The following STIM1 variants were observed in gnomAD, a reference collection of about 807,000 sequenced individuals.
STIM1 encodes stromal interaction molecule 1.
STIM1 carries 25 observed loss-of-function variants against 74.7 expected under a neutral mutation model. That is an observed-to-expected ratio of 0.33 (90% confidence interval 0.24 to 0.47). STIM1 has a LOEUF of 0.47. STIM1 is among the 20% of genes least tolerant of loss of function. The pLI, the probability that STIM1 is intolerant of heterozygous loss-of-function variation, is 1.00. For missense variants in STIM1, 728 were observed against 920.8 expected (o/e 0.79, Z 2.71); for synonymous variants, 328 against 348.8 (o/e 0.94, Z 0.66).
At chr11:4,048,065 C>T (rs558555409) in intron 3 of STIM1, among the ~76,000 whole-genome samples, 1 of 152,092 alleles carries the variant, frequency 6.6e-6, no homozygotes, top group Non-Finnish European at 1.5e-5. Context: ...ATGATCTGCC[C>T]ACCTCAGCCT....
intron 1 of STIM1, among the ~76,000 whole-genome samples, chr11:3,870,869 CT>C (rs1178631644): frequency 0.16 from 16,015 of 98,112 alleles, 909 homozygotes; most frequent in South Asian, 0.25. Context: ...ATCAGCTACT[CT>C]TTTTTTTTTT....
At chr11:4,089,796 A>G (rs2094513039) in intron 12 of STIM1, among the ~76,000 whole-genome samples, 1 of 152,114 alleles carries the variant, frequency 6.6e-6, no homozygotes, top group African/African-American at 2.4e-5. Flanking sequence ...TCTAGGTCCT[A>G]TGGTGGTCTC....
intron 1 of STIM1, among the ~76,000 whole-genome samples, chr11:3,909,353 G>A (rs1332536668): frequency 2.0e-5 from 3 of 152,170 alleles, no homozygotes; most frequent in African/African-American, 4.8e-5. Flanking sequence ...AGCTGATTGG[G>A]GGTATGGGTA....
chr11:3,866,308 A>G (rs988413823), intron 1 of STIM1, among the ~76,000 whole-genome samples: 2 of 152,090 alleles, frequency 1.3e-5, no homozygotes, highest in Non-Finnish European at 2.9e-5. Flanking sequence ...GTCTTTCCTG[A>G]CACTAATTCT....
intron 1 of STIM1, among the ~76,000 whole-genome samples, chr11:3,931,921 T>G (rs2092866106): frequency 6.6e-6 from 1 of 152,104 alleles, no homozygotes; most frequent in African/African-American, 2.4e-5. Flanking sequence ...GCCCTGGGTT[T>G]TGAGTTGAAT....
chr11:3,887,106 A>G (rs1300168671), intron 1 of STIM1, among the ~76,000 whole-genome samples: 1 of 152,102 alleles, frequency 6.6e-6, no homozygotes, highest in African/African-American at 2.4e-5. Flanking sequence ...AGGGACTAGT[A>G]TTGTACACAG....
At position 4,080,343 on chromosome 11, in the gene STIM1, C is replaced by T. The variant is rs570214221; in HGVS notation, c.970-1841C>T. 1.6e-4 allele frequency among the ~76,000 whole-genome samples: 24 copies of T among 152,330 alleles called. 1 individual carries two copies. Among genetic ancestry groups the T allele is most frequent in the African/African-American group, 5.3e-4 (22 of 41,574 alleles). On this transcript the variant is annotated intron_variant, in intron 7 of 12. Transcript: ENST00000526596. ...ATAAAAGGACAAGAACTCTGACTTGCCCATCTCTTGTCTTCCCATCAGACA... is the reference window on the plus strand; with the variant it reads ...ATAAAAGGACAAGAACTCTGACTTGTCCATCTCTTGTCTTCCCATCAGACA...
chr11:4,025,865 C>A (rs1251372940), intron 3 of STIM1, among the ~76,000 whole-genome samples: 3 of 152,016 alleles, frequency 2.0e-5, no homozygotes, highest in South Asian at 4.2e-4. Context: ...GGGGGAGAGT[C>A]CTCATTAACC....
At chr11:3,988,694 C>T (rs1565138185) in intron 2 of STIM1, among the ~76,000 whole-genome samples, 1 of 152,146 alleles carries the variant, frequency 6.6e-6, no homozygotes, top group Non-Finnish European at 1.5e-5. Context: ...ACAGAGTACA[C>T]ACAATTCTGA....
intron 1 of STIM1, among the ~76,000 whole-genome samples, chr11:3,909,407 G>A (rs573658503): frequency 6.6e-6 from 1 of 152,262 alleles, no homozygotes; most frequent in East Asian, 1.9e-4. Context: ...TAACTTTGGG[G>A]TGAGGGTCCT....
chr11:4,036,152 C>G (rs999069570), intron 3 of STIM1, among the ~76,000 whole-genome samples: 1 of 152,138 alleles, frequency 6.6e-6, no homozygotes, highest in African/African-American at 2.4e-5. Flanking sequence ...TAACAGCTTC[C>G]AACTCTATTC....
chr11:3,883,007 A>G (rs2091572734), intron 1 of STIM1, among the ~76,000 whole-genome samples: 1 of 146,124 alleles, frequency 6.8e-6, no homozygotes. Context: ...ATTTTTTAAA[A>G]CTAAGTTGTT....
intron 12 of STIM1, chr11:4,088,652 T>C: frequency 7.9e-6 from 12 of 1,521,036 alleles, no homozygotes; most frequent in Non-Finnish European, 1.1e-5. Flanking sequence ...GAGGTACCTG[T>C]ATCCACCTGG....
intron 1 of STIM1, among the ~76,000 whole-genome samples, chr11:3,882,092 CTTTTTTTTT>C (rs946580998): frequency 1.1e-5 from 1 of 92,330 alleles, no homozygotes; most frequent in South Asian, 3.7e-4. Flanking sequence ...CACTTCATTC[CTTTTTTTTT>C]TTTTTTTTTT....
At chr11:4,074,475 C>A (rs1408439477) in intron 6 of STIM1, 27 bp from the exon 7 acceptor site, 2 of 1,612,584 alleles carry the variant, frequency 1.2e-6, no homozygotes, top group Admixed American at 1.7e-5. Flanking sequence ...GCCTGGCCTC[C>A]TCCAGCTCCC....
chr11:3,985,786 C>G (rs1354742897), intron 2 of STIM1, among the ~76,000 whole-genome samples: 1 of 152,222 alleles, frequency 6.6e-6, no homozygotes, highest in Non-Finnish European at 1.5e-5. Context: ...CCCTTCAGAC[C>G]TAACTGGTGT....
intron 2 of STIM1, among the ~76,000 whole-genome samples, chr11:4,001,774 T>C (rs1050316596): frequency 1.1e-4 from 16 of 148,828 alleles, no homozygotes; most frequent in Non-Finnish European, 2.1e-4. Context: ...ATGCTCCAAT[T>C]AAAAGACACA....
chr11:3,896,530 A>G (rs1187316657), intron 1 of STIM1, among the ~76,000 whole-genome samples: 1 of 152,218 alleles, frequency 6.6e-6, no homozygotes, highest in Non-Finnish European at 1.5e-5. Context: ...CCGATGCAAC[A>G]CTAGGTAGTG....
At chr11:3,990,205 T>C (rs1183668114) in intron 2 of STIM1, among the ~76,000 whole-genome samples, 2 of 152,248 alleles carry the variant, frequency 1.3e-5, no homozygotes, top group Admixed American at 6.5e-5. Context: ...GCATTCATGT[T>C]GTATCAGTAC....
Sources: allele counts gnomAD v4.1 joint callset (sites outside exome capture counted in the v4.1 genomes callset), GRCh38; gene constraint gnomAD v4.1.1; transcripts MANE v1.5; gene names NCBI Gene and HGNC (gene_info 2026-07-23, HGNC 2026-07-21).